The following C11orf65 variants were observed in gnomAD, a reference collection of about 807,000 sequenced individuals.
C11orf65 encodes chromosome 11 open reading frame 65.
C11orf65 carries 38 observed loss-of-function variants against 35.3 expected under a neutral mutation model. That is an observed-to-expected ratio of 1.08 (90% CI 0.83 to 1.41). The LOEUF (loss-of-function observed/expected upper bound fraction) is 1.41, where lower values mean the gene tolerates loss of function less well. Ranked by LOEUF, C11orf65 falls within the 40% of genes most tolerant of loss-of-function variation. C11orf65 has a pLI of 0.00. For synonymous variants in C11orf65, 105 were observed against 114.4 expected (o/e 0.92, Z 0.53); for missense variants, 370 against 367.1 (o/e 1.01, Z -0.06).
intron 2 of C11orf65, among the ~76,000 whole-genome samples, chr11:108,435,160 G>A (rs1419229123): frequency 6.6e-6 from 1 of 152,154 alleles, no homozygotes; most frequent in African/African-American, 2.4e-5. Context: ...TGATCCACTA[G>A]TGAAAATTTT....
At chr11:108,382,313 A>G (rs991144743), downstream of C11orf65, among the ~76,000 whole-genome samples, 5 of 152,196 alleles carry the variant, frequency 3.3e-5, no homozygotes, top group Non-Finnish European at 4.4e-5. Context: ...TGGGAATCCA[A>G]AGAGTTGTAT....
chr11:108,440,215 C>A (rs2093128111), intron 2 of C11orf65, among the ~76,000 whole-genome samples: 1 of 152,184 alleles, frequency 6.6e-6, no homozygotes, highest in African/African-American at 2.4e-5. Flanking sequence ...TCTAGCTTAA[C>A]CCTCTAAAAG....
chr11:108,361,639 C>T (rs1055170419), intron 2 of C11orf65, among the ~76,000 whole-genome samples: 115 of 151,592 alleles, frequency 7.6e-4, no homozygotes, highest in African/African-American at 2.4e-3. Context: ...TTAGAAATAA[C>T]GCCGCATGTC....
chr11:108,379,746 T>A (rs2091825427), downstream of C11orf65, among the ~76,000 whole-genome samples: 1 of 152,058 alleles, frequency 6.6e-6, no homozygotes, highest in African/African-American at 2.4e-5. Context: ...AACATTAGAC[T>A]GTACCTAGAA....
intron 3 of C11orf65, among the ~76,000 whole-genome samples, chr11:108,410,930 C>T (rs186710893): frequency 1.3e-5 from 2 of 151,738 alleles, no homozygotes; most frequent in Non-Finnish European, 2.9e-5. Context: ...AGACTGGTCT[C>T]GAACTCCTGA....
At chr11:108,414,167 C>T (rs2092698001) in intron 3 of C11orf65, among the ~76,000 whole-genome samples, 1 of 151,836 alleles carries the variant, frequency 6.6e-6, no homozygotes, top group South Asian at 2.1e-4. Context: ...AAGCTTCTGG[C>T]TAGGGTAACT....
intron 2 of C11orf65, among the ~76,000 whole-genome samples, chr11:108,360,599 T>G (rs913970518): frequency 1.3e-5 from 2 of 149,310 alleles, no homozygotes; most frequent in African/African-American, 2.5e-5. Flanking sequence ...TTATCCACCA[T>G]GATCCAGTGG....
At chr11:108,344,563 C>T (rs761671726) in intron 2 of C11orf65, among the ~76,000 whole-genome samples, 21 of 152,012 alleles carry the variant, frequency 1.4e-4, no homozygotes, top group Non-Finnish European at 2.6e-4. Context: ...GAAATTCCGA[C>T]GGCACTGTGG....
chr11:108,310,096 C>T (rs557638014), intron 6 of C11orf65: 1 of 1,525,214 alleles, frequency 6.6e-7, no homozygotes, highest in Non-Finnish European at 9.0e-7. Flanking sequence ...TCTATATCAA[C>T]ATGCTTTTAT....
At chr11:108,433,241 TTATA>T (rs572182230) in intron 2 of C11orf65, among the ~76,000 whole-genome samples, 1 of 148,722 alleles carries the variant, frequency 6.7e-6, no homozygotes, top group African/African-American at 2.5e-5. Flanking sequence ...AAAAAAAAAT[TTATA>T]TATATATATC....
rs12364524 is a variant in C11orf65 at position 108,358,712 on chromosome 11, T to G, written c.227-23420A>C. Among the ~76,000 whole-genome samples, 613 of 149,248 alleles carry G rather than the reference T, an allele frequency of 4.1e-3. 4 individuals are homozygous for G. The highest frequency in any genetic ancestry group is 0.01 in the East Asian group (52 of 5,030). On this transcript the variant is annotated intron_variant, in intron 2 of 3. Coordinates refer to the C11orf65 transcript ENST00000524755. ...GCCAAACTAAGCTTCATCAGTGAAG[T>G]AGAAATAAAATACTTTACAGACAAG...
chr11:108,365,277 G>A (rs750672018), intron 2 of C11orf65: 1 of 1,614,100 alleles, frequency 6.2e-7, no homozygotes, highest in South Asian at 1.1e-5. Context: ...TATTCCCAAG[G>A]CCTTTAAACT....
In C11orf65 at chr11:108,354,359, C is replaced by A. The variant is rs935724358; in HGVS notation, c.227-19067G>T. Among the ~76,000 whole-genome samples, 6 of 152,150 alleles carry A rather than the reference C, an allele frequency of 3.9e-5. 1 individual carries two copies. The highest frequency in any genetic ancestry group is 6.5e-5 in the Admixed American group (1 of 15,268). On this transcript the variant is annotated intron_variant, in intron 2 of 3. Transcript: ENST00000524755. ...CCAAACTACTATTGGGTGCTCATCA[C>A]TGTGCATATAGAAGAGACTACATTT...
intron 2 of C11orf65, chr11:108,354,762 C>T: frequency 6.8e-7 from 1 of 1,478,132 alleles, no homozygotes; most frequent in East Asian, 2.3e-5. Flanking sequence ...GATACGTTGA[C>T]AACATTGGTG....
intron 2 of C11orf65, chr11:108,343,499 TAAAAGA>T (rs908093274): frequency 8.7e-7 from 1 of 1,145,942 alleles, no homozygotes; most frequent in African/African-American, 1.6e-5. Flanking sequence ...AGATACTAAG[TAAAAGA>T]AAAACTCATC....
intron 2 of C11orf65, among the ~76,000 whole-genome samples, chr11:108,450,160 C>T (rs984458787): frequency 2.6e-5 from 4 of 151,898 alleles, no homozygotes; most frequent in Admixed American, 1.3e-4. Flanking sequence ...TGTGGAGAAA[C>T]AGGAACACTT....
chr11:108,466,100 A>C (rs2093533769), intron 1 of C11orf65, among the ~76,000 whole-genome samples: 1 of 152,196 alleles, frequency 6.6e-6, no homozygotes, highest in Non-Finnish European at 1.5e-5. Flanking sequence ...GGGGCAAAAA[A>C]AGGGATAAGT....
chr11:108,374,398 C>A (rs1203180278), intron 2 of C11orf65, among the ~76,000 whole-genome samples: 1 of 152,144 alleles, frequency 6.6e-6, no homozygotes, highest in Non-Finnish European at 1.5e-5. Context: ...GGACCTCTAG[C>A]AAACTCCAAC....
intron 6 of C11orf65, chr11:108,319,926 A>G (rs2085071361): frequency 1.3e-6 from 2 of 1,502,760 alleles, no homozygotes; most frequent in Non-Finnish European, 1.9e-6. Flanking sequence ...GTTTTTAAGT[A>G]TATTTTTTTC....
Sources: allele counts gnomAD v4.1 joint callset (sites outside exome capture counted in the v4.1 genomes callset), GRCh38; gene constraint gnomAD v4.1.1; transcripts MANE v1.5; gene names NCBI Gene and HGNC (gene_info 2026-07-23, HGNC 2026-07-21).